TACC3: variants seen among roughly 807,000 people sequenced by gnomAD.
TACC3 encodes the protein transforming acidic coiled-coil-containing protein 3.
Under a neutral mutation model 86.0 loss-of-function variants are expected in TACC3, and 52 were observed. That is an observed-to-expected ratio of 0.60 (90% CI 0.48 to 0.76). TACC3 has a LOEUF of 0.76. Ranked by LOEUF, TACC3 falls within the 30% of genes least tolerant of loss-of-function variation. TACC3 has a pLI of 0.00. For missense variants in TACC3, 1,120 were observed against 1,070.4 expected, an observed-to-expected ratio of 1.05 and a Z score of -0.65; for synonymous variants, 512 against 430.0, an observed-to-expected ratio of 1.19 and a Z score of -2.36.
chr4:1,740,077 C>A, intron 12 of TACC3, 75 bp downstream of exon 12: 1 of 1,510,722 alleles, frequency 6.6e-7, no homozygotes. Context: ...CTGCCCTGCA[C>A]CCTGCCTAGG....
chr4:1,728,026 A>G lies in TACC3; in HGVS notation c.624A>G (p.Thr208=). ...ASETLEDPCR[T]ESQHKAETPH... is the part of the protein sequence containing the mutation. ...AGACCCTAGAAGACCCTTGCAGGAC[A>G]GAGTCCCAGCACAAAGCGGAGACTC... Residue 208 remains threonine, a synonymous_variant, in exon 4 of 16, where the codon ACA becomes ACG. Coordinates refer to ENST00000313288, the MANE Select transcript of TACC3 (RefSeq NM_006342.3). The G allele has an allele frequency of 6.2e-7, 1 of 1,613,114 alleles. No individual in the cohort carries two copies. The highest frequency in any genetic ancestry group is 8.5e-7 in the Non-Finnish European group (1 of 1,180,034).
chr4:1,722,951 G>A (rs764970023), intron 1 of TACC3, among the ~76,000 whole-genome samples: 1 of 152,112 alleles, frequency 6.6e-6, no homozygotes, highest in Non-Finnish European at 1.5e-5. Flanking sequence ...GCAGACCAGA[G>A]CCGCTGTCCT....
At chr4:1,744,684 A>G (rs1718758674) in intron 14 of TACC3, 28 bp from the exon 15 acceptor site, 1 of 1,612,060 alleles carries the variant, frequency 6.2e-7, no homozygotes, top group Non-Finnish European at 8.5e-7. Flanking sequence ...GCCCCAGCTC[A>G]GCCTCTGCCC....
At chr4:1,731,496 C>CT (rs1221963954) in intron 6 of TACC3, among the ~76,000 whole-genome samples, 195 bp downstream of exon 6, 1 of 152,134 alleles carries the variant, frequency 6.6e-6, no homozygotes, top group Non-Finnish European at 1.5e-5. Flanking sequence ...GGGCTCATAC[C>CT]TTTAACATAA....
In TACC3 at chr4:1,743,410, G is replaced by A. The variant is rs146713107; in HGVS notation, c.2224-1108G>A. Among the ~76,000 whole-genome samples the A allele has an allele frequency of 9.2e-3, 1,396 of 151,920 alleles. 18 individuals carry two copies. The highest frequency in any genetic ancestry group is 0.033 in the African/African-American group (1,355 of 41,422). On this transcript the variant is annotated intron_variant, in intron 13 of 15. Coordinates refer to ENST00000313288, the MANE Select transcript of TACC3 (RefSeq NM_006342.3). ...TCTTCTAAAGATACAAAAATTAGCCGGGCATGGTGGCACGCACCTGTAGTC... is the reference window on the plus strand; with the variant it reads ...TCTTCTAAAGATACAAAAATTAGCCAGGCATGGTGGCACGCACCTGTAGTC...
In TACC3 at chr4:1,735,845, C is replaced by T. The variant is rs201502022; in HGVS notation, c.1748+11C>T. ...CACCGAGACCAGCAGGTATGTGCGC[C>T]GGCCCTCCCTCATGCATGAAGCCTT... On this transcript the variant is annotated intron_variant, in intron 8 of 15. Coordinates refer to ENST00000313288, the MANE Select transcript of TACC3 (RefSeq NM_006342.3). The surrounding 1 kb of genome is among the most constrained non-coding windows in gnomAD (Gnocchi z 4.2). 806 of 1,571,528 alleles carry T rather than the reference C, an allele frequency of 5.1e-4. 4 individuals are homozygous for T. In the African/African-American group the frequency reaches 8.1e-3, roughly 16 times the overall value.
At position 1,727,844 on chromosome 4, in the gene TACC3, G is replaced by A; in HGVS notation, c.442G>A (p.Ala148Thr). Residue 148 changes from alanine to threonine, a missense_variant, in exon 4 of 16, where the codon GCC becomes ACC. Physicochemically the swap from Ala to Thr is moderately conservative, Grantham distance 58. Coordinates refer to ENST00000313288, the MANE Select transcript of TACC3 (RefSeq NM_006342.3). ...CAGCTCCAGCGAGTCTGGCCCAGGT[G>A]CCCTGGCTGACCTGGACTGCTCAAG... The part of the protein sequence containing the change: ...SGSSSESGPG[A>T]LADLDCSSSS... 1.9e-6 allele frequency: 3 copies of A among 1,613,324 alleles called. No individual in the cohort carries two copies. The highest frequency in any genetic ancestry group is 2.5e-6 in the Non-Finnish European group (3 of 1,180,032).
At chr4:1,730,034 ATTTGTTTG>A (rs377531457) in intron 4 of TACC3, among the ~76,000 whole-genome samples, 1 of 151,522 alleles carries the variant, frequency 6.6e-6, no homozygotes, top group East Asian at 1.9e-4. Context: ...TCCTAGGGTT[ATTTGTTTG>A]TTTGTTTGTT....
intron 3 of TACC3, 74 bp from the exon 4 acceptor site, chr4:1,727,634 T>C: frequency 1.3e-6 from 2 of 1,520,184 alleles, no homozygotes; most frequent in Non-Finnish European, 1.8e-6. Flanking sequence ...TAAACCTATG[T>C]TGAGAATGAA....
intron 4 of TACC3, among the ~76,000 whole-genome samples, chr4:1,729,890 C>A (rs1374377769): frequency 3.3e-5 from 5 of 152,076 alleles, no homozygotes; most frequent in African/African-American, 9.7e-5. Flanking sequence ...GGTGCCTTCC[C>A]AAGTGCTGGT....
At position 1,737,301 on chromosome 4, in the gene TACC3, C is replaced by T. The variant is rs62285111; in HGVS notation, c.1809C>T (p.Phe603=). 9.7e-3 allele frequency: 15,691 copies of T among 1,614,078 alleles called. 106 individuals are homozygous for T. The highest frequency in any genetic ancestry group is 0.012 in the Non-Finnish European group (14,547 of 1,179,990). The part of the protein sequence containing the change: ...GRPREAKLVE[F]DFLGALDIPV... ...CGCGGGAAGCCAAGCTTGTGGAGTT[C>T]GATTTCTTGGGAGCACTGGACATTC... The change falls in exon 9 of 16, where the codon TTC becomes TTT. Residue 603 remains phenylalanine (F), a synonymous_variant. Transcript: ENST00000313288.
chr4:1,727,608 T>A, intron 3 of TACC3, 100 bp from the exon 4 acceptor site: 1 of 1,509,758 alleles, frequency 6.6e-7, no homozygotes, highest in Non-Finnish European at 8.9e-7. Flanking sequence ...CAGCCCTGCT[T>A]CTGGTGTGAG....
At chr4:1,727,020 A>T (rs969654077) in intron 3 of TACC3, among the ~76,000 whole-genome samples, 1 of 152,076 alleles carries the variant, frequency 6.6e-6, no homozygotes, top group African/African-American at 2.4e-5. Context: ...AATCCCAGCT[A>T]CTTGGGAGGC....
intron 12 of TACC3, 161 bp downstream of exon 12, chr4:1,740,163 C>T (rs1005756737): frequency 8.7e-6 from 6 of 693,172 alleles, no homozygotes; most frequent in East Asian, 2.7e-5. Context: ...AGCACTGAGG[C>T]GAGTTGCGGG....
intron 13 of TACC3, chr4:1,741,198 G>A: frequency 2.1e-6 from 1 of 474,912 alleles, no homozygotes; most frequent in Non-Finnish European, 3.7e-6. Context: ...GAGGCAGAGT[G>A]AGCAGGGAGG....
At chr4:1,729,831 G>GGGTGCCTTCCCAGGCACT (rs1408706556) in intron 4 of TACC3, among the ~76,000 whole-genome samples, 1 of 152,032 alleles carries the variant, frequency 6.6e-6, no homozygotes, top group Non-Finnish European at 1.5e-5. Flanking sequence ...TCTAATTAAC[G>GGGTGCCTTCCCAGGCACT]GGTGCCTTCC....
intron 9 of TACC3, 83 bp downstream of exon 9, chr4:1,737,411 TG>T (rs1299549360): frequency 3.6e-6 from 5 of 1,391,176 alleles, no homozygotes; most frequent in Non-Finnish European, 5.1e-6. Context: ...TTTCTATTCC[TG>T]GGGGTCTGAG....
intron 12 of TACC3, chr4:1,740,563 G>T: frequency 4.6e-6 from 2 of 432,038 alleles, no homozygotes; most frequent in Non-Finnish European, 8.3e-6. Context: ...AGGCTCTAGG[G>T]TGTTGGGCGC....
intron 4 of TACC3, among the ~76,000 whole-genome samples, chr4:1,729,693 G>T (rs1011989518): frequency 3.3e-5 from 5 of 152,230 alleles, no homozygotes; most frequent in Admixed American, 6.5e-5. Flanking sequence ...GAGCGTGACT[G>T]CTGAAGCACA....
Sources: gnomAD v4.1 joint callset for allele counts (sites outside exome capture counted in the v4.1 genomes callset) on GRCh38, gnomAD v4.1.1 for gene constraint, Gnocchi (gnomAD v3.1) non-coding constraint, MANE v1.5 for transcripts, NCBI Gene and HGNC (gene_info 2026-07-23, HGNC 2026-07-21) for gene names.